The following COX7A2L variants were observed in gnomAD, a reference collection of about 807,000 sequenced individuals.
The protein encoded by COX7A2L is cytochrome c oxidase subunit 7A2 like.
COX7A2L carries 18 observed loss-of-function variants against 14.2 expected under a neutral mutation model. The observed-to-expected ratio is 1.27, with a 90% CI of 0.88 to 1.88. The LOEUF is 1.88. COX7A2L is among the 40% of genes most tolerant of loss of function. The probability of loss-of-function intolerance (pLI) is 0.00; values close to 1 mark genes in which losing one functional copy is unlikely to be tolerated. For missense variants in COX7A2L, 179 were observed against 138.8 expected (o/e 1.29, Z -1.46); for synonymous variants, 65 against 57.4 (o/e 1.13, Z -0.60).
At chr2:42,352,222 T>A (rs1394813897) in intron 2 of COX7A2L, among the ~76,000 whole-genome samples, 1 of 152,210 alleles carries the variant, frequency 6.6e-6, no homozygotes, top group Non-Finnish European at 1.5e-5. Context: ...CAGGCTAGAA[T>A]GCAGTGGCTC....
At chr2:42,357,638 A>C (rs890244111) in intron 1 of COX7A2L, among the ~76,000 whole-genome samples, 1 of 152,024 alleles carries the variant, frequency 6.6e-6, no homozygotes, top group South Asian at 2.1e-4. Flanking sequence ...GGTAAGCTAG[A>C]CATCACCACC....
intron 2 of COX7A2L, among the ~76,000 whole-genome samples, chr2:42,352,024 A>T (rs1256392063): frequency 3.9e-5 from 6 of 152,184 alleles, no homozygotes; most frequent in Admixed American, 3.9e-4. Context: ...AACGTTCTCC[A>T]TTTAGTTTGG....
rs1670421451 is a variant in COX7A2L, at chr2:42,342,593, A to T, written c.193-8724T>A. Among the ~76,000 whole-genome samples, 1 of 152,176 alleles carries T rather than the reference A, an allele frequency of 6.6e-6. No individual in the cohort carries two copies. The highest frequency in any genetic ancestry group is 1.5e-5 in the Non-Finnish European group (1 of 68,046). On this transcript the variant is annotated intron_variant, in intron 2 of 2. Transcript: ENST00000468711. The surrounding 1 kb of genome is among the most constrained non-coding windows in gnomAD (Gnocchi z 4.9). ...AGCTTGGAATGTGATATTTGGAGTC[A>T]GCAAAGATTCCAATCTGGCTAATAC...
Position 42,339,265 on chromosome 2 carries a change from G to A in COX7A2L, c.193-5396C>T, listed in dbSNP as rs1008180952. Among the ~76,000 whole-genome samples, 1 of 152,194 alleles carries A rather than the reference G, an allele frequency of 6.6e-6. No individual in the cohort carries two copies. The highest frequency in any genetic ancestry group is 1.5e-5 in the Non-Finnish European group (1 of 68,030). On this transcript the variant is annotated intron_variant, in intron 2 of 2. Transcript: ENST00000468711. This position sits in a 1 kb window ranked among gnomAD's most constrained non-coding sequence, Gnocchi z 5.4. Reference sequence around the variant, plus strand: ...CACTCAGGAAACCACAGACGCGGCCGTTGGCACCACCAGGAGCTGAGGGGT... The same window carrying A: ...CACTCAGGAAACCACAGACGCGGCCATTGGCACCACCAGGAGCTGAGGGGT...
chr2:42,352,943 T>C (rs1175788129), intron 2 of COX7A2L: 2 of 499,466 alleles, frequency 4.0e-6, no homozygotes, highest in Non-Finnish European at 6.9e-6. Context: ...GCTTCTTCCA[T>C]GCAATAAATG....
intron 2 of COX7A2L, among the ~76,000 whole-genome samples, chr2:42,344,085 T>TA (rs1328724020): frequency 6.6e-6 from 1 of 151,788 alleles, no homozygotes; most frequent in Non-Finnish European, 1.5e-5. Context: ...TTGTGTACCC[T>TA]AAAAAAAAAT....
intron 1 of COX7A2L, among the ~76,000 whole-genome samples, chr2:42,354,890 G>C (rs1219345030): frequency 6.6e-6 from 1 of 152,226 alleles, no homozygotes; most frequent in East Asian, 1.9e-4. Context: ...TCAGTATCAT[G>C]TCAAACATTT....
rs546209203 is a variant in COX7A2L, at chr2:42,343,699, T to C, written c.192+9513A>G. Among the ~76,000 whole-genome samples, 9 of 152,302 alleles carry C rather than the reference T, an allele frequency of 5.9e-5. No individual in the cohort carries two copies. The South Asian group carries it at 1.7e-3, about 28-fold the overall frequency. ...TAGCCCCAGGTATAACCTCTAGCTA[T>C]TGAAGATGAATGGGACAGAAAGTGA... On this transcript the variant is annotated intron_variant, in intron 2 of 2. Transcript: ENST00000468711.
chr2:42,349,873 G>A lies in COX7A2L; in HGVS notation c.*1346C>T, dbSNP rs146317971. The A allele has an allele frequency of 7.2e-5, 11 of 152,320 alleles. No homozygotes were observed. Among genetic ancestry groups the A allele is most frequent in the East Asian group, 1.9e-4 (1 of 5,194 alleles). 9.4% of individuals were successfully genotyped at this position (152,320 alleles called of 1,614,324 possible). A position where few individuals can be genotyped will look rare whatever the true frequency, so the allele number is the denominator to read the frequency against. On this transcript the variant is annotated 3_prime_UTR_variant, in exon 3 of 3. Coordinates refer to ENST00000234301, the MANE Select transcript of COX7A2L (RefSeq NM_004718.4). ...CAACAAAAAACAGATCTATGTGTGT[G>A]TGCATATATGCATTGTGTGTGCCTG...
At chr2:42,336,573 G>A (rs977454292) in intron 2 of COX7A2L, among the ~76,000 whole-genome samples, 2 of 152,130 alleles carry the variant, frequency 1.3e-5, no homozygotes, top group Non-Finnish European at 2.9e-5. Flanking sequence ...CCTAGGAAAG[G>A]TCACAGGAGA....
In COX7A2L at chr2:42,339,506, GA is replaced by G. The variant is rs1205085022; in HGVS notation, c.193-5638del. Reference sequence around the variant, plus strand: ...TCCAGGCATGTGAGCGACACTGGCCGACAACCTCCTTGAAACCCCCTCCTCT... The same window carrying G: ...TCCAGGCATGTGAGCGACACTGGCCGCAACCTCCTTGAAACCCCCTCCTCT... On this transcript the variant is annotated intron_variant, in intron 2 of 2. Transcript: ENST00000468711. This position sits in a 1 kb window ranked among gnomAD's most constrained non-coding sequence, Gnocchi z 5.4. 6.6e-6 allele frequency among the ~76,000 whole-genome samples: 1 copy of G among 152,144 alleles called. No homozygotes were observed. Among genetic ancestry groups the G allele is most frequent in the Non-Finnish European group, 1.5e-5 (1 of 68,020 alleles).
downstream of COX7A2L, among the ~76,000 whole-genome samples, chr2:42,345,957 C>T (rs1305282393): frequency 3.3e-5 from 5 of 152,154 alleles, no homozygotes. Flanking sequence ...AGTAAACAAA[C>T]CAACCTGGCA....
intron 1 of COX7A2L, among the ~76,000 whole-genome samples, chr2:42,368,386 G>A (rs904776402): frequency 1.3e-5 from 2 of 152,162 alleles, no homozygotes; most frequent in African/African-American, 4.8e-5. Context: ...CATTTATTTA[G>A]TCAAAATAAA....
At position 42,338,448 on chromosome 2, in the gene COX7A2L, G is replaced by C. The variant is rs1256427719; in HGVS notation, c.193-4579C>G. 6.6e-6 allele frequency among the ~76,000 whole-genome samples: 1 copy of C among 152,186 alleles called. No homozygotes were observed. Among genetic ancestry groups the C allele is most frequent in the African/African-American group, 2.4e-5 (1 of 41,458 alleles). On this transcript the variant is annotated intron_variant, in intron 2 of 2. Transcript: ENST00000468711. The surrounding 1 kb of genome is among the most constrained non-coding windows in gnomAD (Gnocchi z 4.4). The stretch of plus-strand genomic sequence containing the variant: ...GACCAGGCTTTCTCCGAGAGCGACA[G>C]GCCCCAGCTATGCTGGCAAGATCTG...
chr2:42,352,406 C>A (rs1670676641), intron 2 of COX7A2L, among the ~76,000 whole-genome samples: 1 of 152,126 alleles, frequency 6.6e-6, no homozygotes, highest in South Asian at 2.1e-4. Flanking sequence ...CCTTGGCCTC[C>A]CAAAGTGTTG....
chr2:42,337,509 C>A (rs1286658341), intron 2 of COX7A2L, among the ~76,000 whole-genome samples: 1 of 152,072 alleles, frequency 6.6e-6, no homozygotes, highest in East Asian at 1.9e-4. Flanking sequence ...GATTCCTCTG[C>A]AGTGACGATG....
At chr2:42,363,931 T>C (rs984386712), upstream of COX7A2L, among the ~76,000 whole-genome samples, 7 of 152,298 alleles carry the variant, frequency 4.6e-5, no homozygotes, top group Admixed American at 6.5e-5. Context: ...TAATGGCCTC[T>C]GGCAGGCCGC....
At chr2:42,344,759 G>A (rs1484233867), downstream of COX7A2L, among the ~76,000 whole-genome samples, 1 of 151,980 alleles carries the variant, frequency 6.6e-6, no homozygotes, top group African/African-American at 2.4e-5. Context: ...CCTGAGGCAG[G>A]AGAATGGCGT....
chr2:42,347,183 C>T (rs940642807), downstream of COX7A2L, among the ~76,000 whole-genome samples: 5 of 152,058 alleles, frequency 3.3e-5, no homozygotes, highest in Non-Finnish European at 7.4e-5. Flanking sequence ...CAATTTAAAC[C>T]ACAAAGAAAT....
Sources: allele counts gnomAD v4.1 joint callset (sites outside exome capture counted in the v4.1 genomes callset), GRCh38; gene constraint gnomAD v4.1.1; non-coding constraint Gnocchi (gnomAD v3.1); transcripts MANE v1.5; gene names NCBI Gene and HGNC (gene_info 2026-07-23, HGNC 2026-07-21).